Variants in MAPRE2 observed in about 807,000 individuals in gnomAD.
MAPRE2 encodes microtubule associated protein RP/EB family member 2.
MAPRE2 carries 13 observed loss-of-function variants against 43.2 expected under a neutral mutation model. The observed-to-expected ratio is 0.30, with a 90% CI of 0.20 to 0.48. The LOEUF is 0.48. Among genes scored for constraint, MAPRE2 ranks in the 20% least tolerant of loss-of-function variants. The pLI is 0.99. For synonymous variants in MAPRE2, 135 were observed against 148.8 expected (o/e 0.91, Z 0.68); for missense variants, 161 against 400.2 (o/e 0.40, Z 5.10).
At chr18:35,076,355 A>C (rs1255254607) in intron 2 of MAPRE2, among the ~76,000 whole-genome samples, 1 of 152,220 alleles carries the variant, frequency 6.6e-6, no homozygotes, top group East Asian at 1.9e-4. Context: ...TGAGCATACA[A>C]AGAAGGAAGT....
chr18:35,040,758 GA>G (rs1256408228), upstream of MAPRE2, among the ~76,000 whole-genome samples: 1 of 152,078 alleles, frequency 6.6e-6, no homozygotes, highest in Non-Finnish European at 1.5e-5. Context: ...TTTTTTAAAA[GA>G]AAAACCCTCT....
intron 1 of MAPRE2, among the ~76,000 whole-genome samples, chr18:34,986,326 A>C (rs1278297851): frequency 6.6e-6 from 1 of 152,120 alleles, no homozygotes; most frequent in Non-Finnish European, 1.5e-5. Context: ...CAATTTAACA[A>C]CATTTGATAT....
intron 1 of MAPRE2, among the ~76,000 whole-genome samples, chr18:35,052,376 TC>T (rs1232683421): frequency 6.6e-6 from 1 of 152,234 alleles, no homozygotes; most frequent in Non-Finnish European, 1.5e-5. Flanking sequence ...TTAAGATTCA[TC>T]CATATGGGAT....
At chr18:34,985,586 CT>C (rs569043363) in intron 1 of MAPRE2, among the ~76,000 whole-genome samples, 38 of 61,100 alleles carry the variant, frequency 6.2e-4, no homozygotes, top group African/African-American at 1.7e-3. Context: ...AAACTATAAA[CT>C]ATAATATATA....
chr18:35,006,707 A>C (rs2097032038), intron 2 of MAPRE2, among the ~76,000 whole-genome samples: 1 of 152,232 alleles, frequency 6.6e-6, no homozygotes, highest in Non-Finnish European at 1.5e-5. Context: ...GAAAGTGGAA[A>C]TATGGAGCAC....
chr18:35,140,328 C>T lies in MAPRE2; in HGVS notation c.943C>T (p.Gln315Ter), dbSNP rs1427667454. 6.2e-7 allele frequency: 1 copy of T among 1,613,766 alleles called. No homozygotes were observed. Among genetic ancestry groups the T allele is most frequent in the Non-Finnish European group, 8.5e-7 (1 of 1,179,938 alleles). The stretch of plus-strand genomic sequence containing the variant: ...CACAGAAGAGCCGGAAGCAGAGGAG[C>T]AAGCCCACGAACAGCAGCCCCCGCA... ...GHTEEPEAEE[Q>*]AHEQQPPQQE... The change falls in exon 7 of 7, where the codon CAA (glutamine) becomes TAA (stop). Residue 315 changes from glutamine (Q) to a stop codon, truncating the protein, a stop_gained. Transcript: ENST00000300249. LOFTEE classifies it high-confidence loss of function.
intron 2 of MAPRE2, 66 bp downstream of exon 2, chr18:35,070,388 T>G: frequency 7.2e-7 from 1 of 1,383,742 alleles, no homozygotes; most frequent in Non-Finnish European, 9.7e-7. Context: ...TGTGATTTTA[T>G]GAACCACAGC....
intron 2 of MAPRE2, among the ~76,000 whole-genome samples, chr18:35,083,801 C>T (rs951911947): frequency 6.6e-6 from 1 of 152,060 alleles, no homozygotes; most frequent in African/African-American, 2.4e-5. Context: ...ATTTTACTTG[C>T]CAGTAAAATC....
intron 1 of MAPRE2, among the ~76,000 whole-genome samples, chr18:34,986,586 T>C (rs1306302995): frequency 6.6e-6 from 1 of 152,168 alleles, no homozygotes; most frequent in African/African-American, 2.4e-5. Context: ...ACAGATCCCC[T>C]AAAAGGAGCT....
intron 4 of MAPRE2, among the ~76,000 whole-genome samples, chr18:35,103,767 G>T (rs570138832): frequency 1.3e-5 from 2 of 152,270 alleles, no homozygotes; most frequent in East Asian, 3.9e-4. Context: ...GGAAGCAGAA[G>T]GTAGGGAGCA....
Position 35,068,592 on chromosome 18 carries a change from GA to G in MAPRE2, c.123-1599del, listed in dbSNP as rs1177713227. Among the ~76,000 whole-genome samples the G allele has an allele frequency of 5.9e-5, 9 of 152,160 alleles. No homozygotes were observed. In the East Asian group the frequency reaches 1.7e-3, roughly 29 times the overall value. ...ATATTAGGGAACTACTCATCACTTT[GA>G]AAACTGGCAAATAGAGAAAAAGAGT... is the stretch of plus-strand genomic sequence containing the variant. On this transcript the variant is annotated intron_variant, in intron 1 of 6. Coordinates refer to ENST00000300249, the MANE Select transcript of MAPRE2 (RefSeq NM_014268.4).
At chr18:35,003,165 C>T (rs2097030199) in intron 1 of MAPRE2, among the ~76,000 whole-genome samples, 1 of 152,166 alleles carries the variant, frequency 6.6e-6, no homozygotes, top group African/African-American at 2.4e-5. Context: ...CAAGCAAAGG[C>T]TGCATGGGAA....
intron 1 of MAPRE2, among the ~76,000 whole-genome samples, chr18:35,046,898 A>C (rs530832312): frequency 6.6e-6 from 1 of 152,314 alleles, no homozygotes; most frequent in East Asian, 1.9e-4. Context: ...CTTCATAGCT[A>C]TCAGTCTAAC....
At chr18:34,980,068 ACT>A (rs1443228732) in intron 1 of MAPRE2, among the ~76,000 whole-genome samples, 3 of 121,608 alleles carry the variant, frequency 2.5e-5, no homozygotes, top group Non-Finnish European at 4.8e-5. Flanking sequence ...ACAGAGTCTC[ACT>A]CTGTTGCCCA....
At chr18:35,087,470 A>G (rs1173887933) in intron 2 of MAPRE2, among the ~76,000 whole-genome samples, 2 of 152,170 alleles carry the variant, frequency 1.3e-5, no homozygotes, top group Non-Finnish European at 2.9e-5. Flanking sequence ...CTTGGTCTCT[A>G]GGGTCATTCT....
chr18:35,020,878 C>T (rs273350), intron 2 of MAPRE2, among the ~76,000 whole-genome samples: 102,710 of 152,054 alleles, frequency 0.68, 35,985 homozygotes, highest in East Asian at 0.98. Context: ...GAAGAAAATT[C>T]TGGTTGGAAA....
intron 2 of MAPRE2, among the ~76,000 whole-genome samples, chr18:35,015,426 G>A (rs775686585): frequency 3.9e-5 from 6 of 152,080 alleles, no homozygotes; most frequent in Admixed American, 2.6e-4. Context: ...ATGAAACTTC[G>A]TTGTTGCTTT....
At chr18:34,989,831 C>T (rs1311377520) in intron 1 of MAPRE2, among the ~76,000 whole-genome samples, 1 of 152,072 alleles carries the variant, frequency 6.6e-6, no homozygotes, top group African/African-American at 2.4e-5. Context: ...TCAGAATCTG[C>T]ACTTTAGGAG....
intron 1 of MAPRE2, among the ~76,000 whole-genome samples, chr18:35,065,456 G>A (rs1906788102): frequency 6.6e-6 from 1 of 152,152 alleles, no homozygotes. Context: ...CAATATTAAA[G>A]TGTGGTGACC....
Sources: gnomAD v4.1 joint callset for allele counts (sites outside exome capture counted in the v4.1 genomes callset) on GRCh38, gnomAD v4.1.1 for gene constraint, MANE v1.5 for transcripts, NCBI Gene and HGNC (gene_info 2026-07-23, HGNC 2026-07-21) for gene names.